Variants in RBM19 observed in about 807,000 individuals in gnomAD.
RBM19 encodes probable RNA-binding protein 19.
A neutral mutation model predicts 116.8 loss-of-function variants in RBM19; 94 were observed. The ratio of observed to expected loss-of-function variants is 0.80; its 90% confidence interval spans 0.68 to 0.95. RBM19 has a LOEUF of 0.95. RBM19 is among the 40% of genes least tolerant of loss of function. The pLI, the probability that RBM19 is intolerant of heterozygous loss-of-function variation, is 0.00. For synonymous variants in RBM19, 475 were observed against 494.1 expected, an observed-to-expected ratio of 0.96 and a Z score of 0.51; for missense variants, 1,161 against 1,220.7, an observed-to-expected ratio of 0.95 and a Z score of 0.73.
intron 21 of RBM19, among the ~76,000 whole-genome samples, chr12:113,907,964 GA>G (rs934095825): frequency 1.3e-5 from 2 of 152,180 alleles, no homozygotes; most frequent in Non-Finnish European, 2.9e-5. Context: ...GATGCCCCCT[GA>G]CCTAGGGCCT....
intron 21 of RBM19, among the ~76,000 whole-genome samples, chr12:113,867,837 G>A (rs1361851486): frequency 2.0e-5 from 3 of 152,172 alleles, no homozygotes; most frequent in Admixed American, 2.0e-4. Context: ...GCTGAGGCAG[G>A]AGAACTGCTT....
chr12:113,962,676 G>T (rs535397028), intron 1 of RBM19, among the ~76,000 whole-genome samples: 1 of 152,304 alleles, frequency 6.6e-6, no homozygotes, highest in East Asian at 1.9e-4. Flanking sequence ...ACCCTATGGG[G>T]CTCCTATGAG....
At chr12:113,899,677 A>C (rs1044555834) in intron 21 of RBM19, among the ~76,000 whole-genome samples, 1 of 152,172 alleles carries the variant, frequency 6.6e-6, no homozygotes, top group African/African-American at 2.4e-5. Context: ...TGCTAAACCG[A>C]CAAGTTATTT....
downstream of RBM19, chr12:113,817,149 C>A (rs562012934): frequency 6.6e-6 from 1 of 152,234 alleles, no homozygotes; most frequent in Non-Finnish European, 1.5e-5. Context: ...AAGACCAAGG[C>A]GGCAGGAAAA....
At chr12:113,920,467 A>T in intron 19 of RBM19, 144 bp downstream of exon 19, 1 of 730,788 alleles carries the variant, frequency 1.4e-6, no homozygotes, top group Non-Finnish European at 2.3e-6. Flanking sequence ...CTTGGGCCAC[A>T]GTCCCGTAGA....
At chr12:113,821,453 G>GGGAA (rs1874408519), downstream of RBM19, among the ~76,000 whole-genome samples, 1 of 152,180 alleles carries the variant, frequency 6.6e-6, no homozygotes, top group Non-Finnish European at 1.5e-5. Context: ...TCTGAGCAGT[G>GGGAA]GGAAGGCATG....
chr12:113,897,271 C>T (rs767053396), intron 21 of RBM19, among the ~76,000 whole-genome samples: 3 of 152,210 alleles, frequency 2.0e-5, no homozygotes, highest in Non-Finnish European at 2.9e-5. Context: ...TGGGTTCAAG[C>T]GATTCTCCTG....
Position 113,947,257 on chromosome 12 carries a change from T to TACAC in RBM19, c.1407+73_1407+76dup, listed in dbSNP as rs369688809. The TACAC allele has an allele frequency of 1.7e-3, 2,419 of 1,401,814 alleles. 30 individuals are homozygous for TACAC. In the African/African-American group the frequency reaches 0.031, roughly 18 times the overall value. 86.8% of individuals were successfully genotyped at this position (1,401,814 alleles called of 1,614,324 possible). A position where few individuals can be genotyped will look rare whatever the true frequency, so the allele number is the denominator to read the frequency against. Reference sequence around the variant, plus strand: ...AAGTGGACGCCCGTGTCCACACACATACACACACACACACACCAGCCTTTC... The same window carrying TACAC: ...AAGTGGACGCCCGTGTCCACACACATACACACACACACACACACACCAGCCTTTC... On this transcript the variant is annotated intron_variant, in intron 11 of 23. Transcript: ENST00000261741.
chr12:113,844,329 G>A (rs1000207888), intron 23 of RBM19, among the ~76,000 whole-genome samples: 6 of 152,220 alleles, frequency 3.9e-5, no homozygotes, highest in Non-Finnish European at 5.9e-5. Context: ...CAGAGCCAAC[G>A]GCCACGAGCT....
chr12:113,832,292 T>G (rs1593456753), intron 23 of RBM19, among the ~76,000 whole-genome samples: 1 of 152,046 alleles, frequency 6.6e-6, no homozygotes, highest in East Asian at 1.9e-4. Flanking sequence ...CTGGTTCAAG[T>G]GATTCTCCTG....
In RBM19 at chr12:113,925,997, G is replaced by A. The variant is rs138695424; in HGVS notation, c.2244+1057C>T. ...TAGCCAAAGACAAGTCTAAGGGTGG[G>A]TTTCCAATTGCTGAAGAAGGTGAAT... On this transcript the variant is annotated intron_variant, in intron 17 of 23. Transcript: ENST00000261741. 3.3e-5 allele frequency among the ~76,000 whole-genome samples: 5 copies of A among 152,314 alleles called. No homozygotes were observed. The East Asian group carries it at 7.7e-4, about 23-fold the overall frequency.
intron 23 of RBM19, among the ~76,000 whole-genome samples, chr12:113,834,258 TTGAA>T (rs368089143): frequency 1.3e-5 from 2 of 152,000 alleles, no homozygotes; most frequent in African/African-American, 2.4e-5. Flanking sequence ...TGAAGAACTG[TTGAA>T]TGAATGAATG....
chr12:113,924,461 T>C (rs1294929596), intron 18 of RBM19, among the ~76,000 whole-genome samples: 1 of 152,106 alleles, frequency 6.6e-6, no homozygotes, highest in Non-Finnish European at 1.5e-5. Context: ...TGGTGGAGGC[T>C]CTAGGTTCAG....
intron 22 of RBM19, among the ~76,000 whole-genome samples, chr12:113,855,875 T>G (rs1877859440): frequency 6.6e-6 from 1 of 151,706 alleles, no homozygotes; most frequent in Non-Finnish European, 1.5e-5. Context: ...CAGTGGAGAG[T>G]GCTAAATGTT....
At chr12:113,930,080 G>A (rs1185530095) in intron 16 of RBM19, among the ~76,000 whole-genome samples, 3 of 152,236 alleles carry the variant, frequency 2.0e-5, no homozygotes, top group Non-Finnish European at 4.4e-5. Context: ...AAATCCCATG[G>A]TTTTTAAATC....
intron 23 of RBM19, among the ~76,000 whole-genome samples, chr12:113,843,244 C>T (rs910744680): frequency 4.6e-5 from 7 of 152,166 alleles, no homozygotes; most frequent in Non-Finnish European, 1.0e-4. Flanking sequence ...TCCATGTCTA[C>T]GCAGAGAAGT....
At chr12:113,938,373 A>C (rs962693782) in intron 15 of RBM19, among the ~76,000 whole-genome samples, 1 of 152,226 alleles carries the variant, frequency 6.6e-6, no homozygotes, top group African/African-American at 2.4e-5. Flanking sequence ...AGAATGAGAA[A>C]TCATTTCCTC....
intron 6 of RBM19, among the ~76,000 whole-genome samples, chr12:113,956,980 TG>T (rs1346262309): frequency 1.3e-5 from 2 of 152,204 alleles, no homozygotes; most frequent in East Asian, 1.9e-4. Flanking sequence ...TGCTGATGAC[TG>T]GTCTGCACCC....
chr12:113,870,121 G>C (rs1045431986), intron 21 of RBM19, among the ~76,000 whole-genome samples: 3 of 152,140 alleles, frequency 2.0e-5, no homozygotes, highest in African/African-American at 7.2e-5. Context: ...GAGAAGATGG[G>C]GTGAGCTCTC....
Sources: gnomAD v4.1 joint callset for allele counts (sites outside exome capture counted in the v4.1 genomes callset) on GRCh38, gnomAD v4.1.1 for gene constraint, MANE v1.5 for transcripts, NCBI Gene and HGNC (gene_info 2026-07-23, HGNC 2026-07-21) for gene names.